FUT8: variants seen among roughly 807,000 people sequenced by gnomAD.
The protein encoded by FUT8 is alpha-(1,6)-fucosyltransferase.
Under a neutral mutation model 71.3 loss-of-function variants are expected in FUT8, and 29 were observed. The observed-to-expected ratio is 0.41, with a 90% CI of 0.30 to 0.55. The LOEUF (loss-of-function observed/expected upper bound fraction) is 0.55, where lower values mean the gene tolerates loss of function less well. Among genes scored for constraint, FUT8 ranks in the 20% least tolerant of loss-of-function variants. The pLI is 0.34. For synonymous variants in FUT8, 254 were observed against 239.3 expected, an observed-to-expected ratio of 1.06 and a Z score of -0.57; for missense variants, 544 against 702.1, an observed-to-expected ratio of 0.77 and a Z score of 2.55.
intron 2 of FUT8, among the ~76,000 whole-genome samples, chr14:65,525,119 A>G (rs1401700527): frequency 6.6e-6 from 1 of 152,060 alleles, no homozygotes; most frequent in Non-Finnish European, 1.5e-5. Context: ...TATTGATGGG[A>G]ATAGTTTCAG....
intron 3 of FUT8, among the ~76,000 whole-genome samples, chr14:65,594,360 C>G (rs974556353): frequency 3.2e-4 from 49 of 152,330 alleles, no homozygotes; most frequent in Non-Finnish European, 6.2e-4. Flanking sequence ...TCAGCGATGA[C>G]AGGAGTAAAC....
intron 5 of FUT8, among the ~76,000 whole-genome samples, chr14:65,617,745 A>G (rs1180362345): frequency 6.6e-6 from 1 of 151,850 alleles, no homozygotes; most frequent in Non-Finnish European, 1.5e-5. Flanking sequence ...GGAGTTTGAG[A>G]CCAGCCTGGC....
chr14:65,466,745 C>T (rs1355587464), intron 2 of FUT8, among the ~76,000 whole-genome samples: 1 of 151,108 alleles, frequency 6.6e-6, no homozygotes, highest in Non-Finnish European at 1.5e-5. Context: ...GCAAGACTGT[C>T]TCAAAAAAAA....
intron 1 of FUT8, among the ~76,000 whole-genome samples, chr14:65,452,785 A>C (rs918482799): frequency 6.6e-6 from 1 of 152,220 alleles, no homozygotes; most frequent in Non-Finnish European, 1.5e-5. Context: ...AGACAAAAAA[A>C]CTTCATAATT....
chr14:65,470,754 G>T (rs2066131324), intron 2 of FUT8, among the ~76,000 whole-genome samples: 2 of 152,112 alleles, frequency 1.3e-5, no homozygotes, highest in Non-Finnish European at 2.9e-5. Flanking sequence ...GGTGGGCGCA[G>T]TGGCTGTGTC....
intron 2 of FUT8, among the ~76,000 whole-genome samples, chr14:65,493,939 A>C (rs1479646882): frequency 6.6e-6 from 1 of 152,170 alleles, no homozygotes; most frequent in African/African-American, 2.4e-5. Context: ...GAAAGGAAGG[A>C]ACCTGGAAGC....
Position 65,669,992 on chromosome 14 carries a change from C to A in FUT8, c.835+512C>A, listed in dbSNP as rs1892400224. ...TTTAGGGACCGTGCTTTGAGAACCA[C>A]TGAGGTGGACCTTGCTGGTAACTTT... is the stretch of plus-strand genomic sequence containing the variant. On this transcript the variant is annotated intron_variant, in intron 7 of 10. Coordinates refer to ENST00000673929, the MANE Select transcript of FUT8 (RefSeq NM_001371533.1). This position sits in a 1 kb window ranked among gnomAD's most constrained non-coding sequence, Gnocchi z 4.5. Among the ~76,000 whole-genome samples, 1 of 152,196 alleles carries A rather than the reference C, an allele frequency of 6.6e-6. No individual in the cohort carries two copies. Among genetic ancestry groups the A allele is most frequent in the Admixed American group, 6.5e-5 (1 of 15,270 alleles).
intron 7 of FUT8, among the ~76,000 whole-genome samples, chr14:65,700,635 G>A (rs1487217666): frequency 2.6e-5 from 4 of 151,998 alleles, no homozygotes; most frequent in Non-Finnish European, 5.9e-5. Flanking sequence ...TCCTGACCTC[G>A]TGATCCGCCC....
At chr14:65,624,318 T>C (rs1252870977) in intron 5 of FUT8, among the ~76,000 whole-genome samples, 2 of 151,924 alleles carry the variant, frequency 1.3e-5, no homozygotes, top group Admixed American at 6.6e-5. Flanking sequence ...TTTGGTCTTC[T>C]AGTTGCTTGG....
Position 65,489,813 on chromosome 14 carries a change from A to G in FUT8, c.-228+34095A>G, listed in dbSNP as rs17102714. On this transcript the variant is annotated intron_variant, in intron 2 of 10. Coordinates refer to ENST00000673929, the MANE Select transcript of FUT8 (RefSeq NM_001371533.1). This position sits in a 1 kb window ranked among gnomAD's most constrained non-coding sequence, Gnocchi z 4.0. ...CTTGTTTCATAGTAAAACAGATGGCATGGCAAGGGAGAAGAAACTTACATG... is the reference window on the plus strand; with the variant it reads ...CTTGTTTCATAGTAAAACAGATGGCGTGGCAAGGGAGAAGAAACTTACATG... Among the ~76,000 whole-genome samples the G allele has an allele frequency of 0.065, 9,952 of 152,162 alleles. 373 individuals are homozygous for G. Among genetic ancestry groups the G allele is most frequent in the Admixed American group, 0.11 (1,686 of 15,282 alleles).
At chr14:65,632,876 C>G (rs1483886615) in intron 6 of FUT8, among the ~76,000 whole-genome samples, 1 of 152,114 alleles carries the variant, frequency 6.6e-6, no homozygotes, top group Non-Finnish European at 1.5e-5. Context: ...CTTATTCCAT[C>G]TTGAGTTGAT....
At chr14:65,537,532 C>T (rs1316861619) in intron 2 of FUT8, among the ~76,000 whole-genome samples, 1 of 152,084 alleles carries the variant, frequency 6.6e-6, no homozygotes, top group African/African-American at 2.4e-5. Flanking sequence ...GGACTACAGG[C>T]ACCTGCCACC....
At chr14:65,394,194 G>C in the FUT8 span, among the ~76,000 whole-genome samples, 3 of 152,076 alleles carry the variant, frequency 2.0e-5, no homozygotes, top group Non-Finnish European at 4.4e-5. Flanking sequence ...CCCAGCCTCA[G>C]GTGATCTGCC....
At chr14:65,488,884 C>T (rs1308008838) in intron 2 of FUT8, among the ~76,000 whole-genome samples, 1 of 151,990 alleles carries the variant, frequency 6.6e-6, no homozygotes, top group Non-Finnish European at 1.5e-5. Flanking sequence ...CTATTCCTTC[C>T]TAATCAAGTT....
chr14:65,575,169 G>A (rs972906290), intron 3 of FUT8, among the ~76,000 whole-genome samples: 9 of 151,624 alleles, frequency 5.9e-5, no homozygotes, highest in African/African-American at 1.9e-4. Context: ...GTATAAATTT[G>A]CAAGTAGTAA....
chr14:65,505,683 T>C (rs1369843573), intron 2 of FUT8, among the ~76,000 whole-genome samples: 6 of 152,160 alleles, frequency 3.9e-5, no homozygotes, highest in Non-Finnish European at 7.4e-5. Context: ...TATTTTGTAT[T>C]TAGAAAATTA....
intron 3 of FUT8, among the ~76,000 whole-genome samples, chr14:65,610,967 AT>A (rs1370221395): frequency 6.6e-6 from 1 of 151,046 alleles, no homozygotes; most frequent in Non-Finnish European, 1.5e-5. Context: ...CTGTTCTGTA[AT>A]TTTTTTTCTT....
chr14:65,581,712 T>C (rs1438508280), intron 3 of FUT8, among the ~76,000 whole-genome samples: 1 of 152,198 alleles, frequency 6.6e-6, no homozygotes, highest in East Asian at 1.9e-4. Flanking sequence ...GGAATCTTTT[T>C]TTTTCATAGT....
chr14:65,685,783 T>C (rs769960943), intron 7 of FUT8, among the ~76,000 whole-genome samples: 3 of 152,190 alleles, frequency 2.0e-5, no homozygotes, highest in Non-Finnish European at 4.4e-5. Flanking sequence ...ATTTGTAAAC[T>C]GTCAGTGATG....
Sources: gnomAD v4.1 joint callset for allele counts (sites outside exome capture counted in the v4.1 genomes callset) on GRCh38, gnomAD v4.1.1 for gene constraint, Gnocchi (gnomAD v3.1) non-coding constraint, MANE v1.5 for transcripts, NCBI Gene and HGNC (gene_info 2026-07-23, HGNC 2026-07-21) for gene names.